The following RNF115 variants were observed in gnomAD, a reference collection of about 807,000 sequenced individuals.
The protein encoded by RNF115 is ring finger protein 115, also known as E3 ubiquitin-protein ligase RNF115.
Under a neutral mutation model 39.2 loss-of-function variants are expected in RNF115, and 31 were observed. The ratio of observed to expected loss-of-function variants is 0.79; its 90% CI spans 0.59 to 1.07. The LOEUF (loss-of-function observed/expected upper bound fraction) is 1.07. Ranked by LOEUF, RNF115 falls within the 50% of genes least tolerant of loss-of-function variation. The pLI is 0.00. For synonymous variants in RNF115, 124 were observed against 131.0 expected (o/e 0.95, Z 0.37); for missense variants, 384 against 381.7 (o/e 1.01, Z -0.05).
chr1:145,770,303 T>C (rs1571732710), intron 4 of RNF115, among the ~76,000 whole-genome samples: 1 of 152,278 alleles, frequency 6.6e-6, no homozygotes, highest in East Asian at 1.9e-4. Context: ...AATGGATAGA[T>C]ATGTAATAAC....
At chr1:145,793,381 C>T (rs1648770443) in intron 1 of RNF115, among the ~76,000 whole-genome samples, 1 of 152,136 alleles carries the variant, frequency 6.6e-6, no homozygotes, top group South Asian at 2.1e-4. Context: ...ACAAATGAGA[C>T]TGATTTTGGA....
chr1:145,762,810 A>C (rs1289761381), intron 4 of RNF115, among the ~76,000 whole-genome samples: 1 of 152,210 alleles, frequency 6.6e-6, no homozygotes, highest in East Asian at 1.9e-4. Context: ...AAATCTTAAA[A>C]CATATTCTTT....
intron 1 of RNF115, among the ~76,000 whole-genome samples, chr1:145,804,492 C>T (rs1200901596): frequency 3.4e-5 from 3 of 89,520 alleles, no homozygotes; most frequent in Non-Finnish European, 6.3e-5. Context: ...TAAATGCATG[C>T]ATGCATGCAC....
At chr1:145,764,719 C>T (rs1009519573) in intron 4 of RNF115, among the ~76,000 whole-genome samples, 5 of 151,502 alleles carry the variant, frequency 3.3e-5, no homozygotes, top group Non-Finnish European at 7.4e-5. Flanking sequence ...GGGGGGTCAG[C>T]CCCCGCCCGG....
chr1:145,788,174 C>T (rs1311097703), intron 2 of RNF115, among the ~76,000 whole-genome samples: 2 of 152,052 alleles, frequency 1.3e-5, no homozygotes, highest in South Asian at 2.1e-4. Context: ...CTCCACCTCC[C>T]GGTTTCAAGT....
chr1:145,806,505 G>C (rs1394736064), intron 1 of RNF115, among the ~76,000 whole-genome samples: 4 of 152,068 alleles, frequency 2.6e-5, no homozygotes, highest in Admixed American at 2.6e-4. Flanking sequence ...GTTTGGATAT[G>C]TGTCCCCTCT....
At position 145,751,479 on chromosome 1, in the gene RNF115, A is replaced by T. The variant is rs1658085774; in HGVS notation, c.532T>A (p.Tyr178Asn). ...SGMLHSNPGD[Y>N]AWGQTGLDAI... ...TCAAGCCCTGTCTGACCCCAGGCAT[A>T]GTCCCCAGGGTTGGAGTGCAGCATC... Residue 178 changes from tyrosine (Y) to asparagine (N), a missense_variant, in exon 6 of 9, where the codon TAT (tyrosine) becomes AAT (asparagine). By Grantham distance (143) the Tyr-to-Asn change is moderately radical (BLOSUM62 -2). Transcript: ENST00000582693. 6.3e-7 allele frequency: 1 copy of T among 1,597,536 alleles called. No individual in the cohort carries two copies. Among genetic ancestry groups the T allele is most frequent in the African/African-American group, 1.3e-5 (1 of 74,678 alleles).
intron 2 of RNF115, among the ~76,000 whole-genome samples, chr1:145,786,207 A>G (rs971228094): frequency 6.6e-6 from 1 of 152,220 alleles, no homozygotes; most frequent in Non-Finnish European, 1.5e-5. Flanking sequence ...GAAATGTTAC[A>G]AAGCTTAAGA....
At position 145,750,467 on chromosome 1, in the gene RNF115, G is replaced by A; in HGVS notation, c.607C>T (p.Pro203Ser). Residue 203 changes from proline to serine, a missense_variant, in exon 7 of 9, where the codon CCA becomes TCA. By Grantham distance (74) the Pro-to-Ser change is moderately conservative. Transcript: ENST00000582693. The part of the protein sequence containing the change: ...LGQLENTGPP[P>S]ADKEKITSLP... ...GATGTGATCTTTTCCTTGTCAGCTGGGGGAGGGCCTGTGTTTTCCAGTTGT... is the reference window on the plus strand; with the variant it reads ...GATGTGATCTTTTCCTTGTCAGCTGAGGGAGGGCCTGTGTTTTCCAGTTGT... The A allele has an allele frequency of 6.2e-7, 1 of 1,614,024 alleles. No individual in the cohort carries two copies. The highest frequency in any genetic ancestry group is 8.5e-7 in the Non-Finnish European group (1 of 1,179,956).
At chr1:145,757,886 G>A (rs1658359661) in intron 4 of RNF115, among the ~76,000 whole-genome samples, 1 of 152,154 alleles carries the variant, frequency 6.6e-6, no homozygotes, top group Non-Finnish European at 1.5e-5. Flanking sequence ...CTATACCCAA[G>A]GAGCCACACC....
At chr1:145,782,486 T>C (rs1648195081) in intron 3 of RNF115, among the ~76,000 whole-genome samples, 1 of 152,178 alleles carries the variant, frequency 6.6e-6, no homozygotes, top group African/African-American at 2.4e-5. Context: ...TTAGCTAATT[T>C]ATTAAAAATC....
Position 145,745,482 on chromosome 1 carries a change from G to A in RNF115, c.*1384C>T. On this transcript the variant is annotated 3_prime_UTR_variant, in exon 9 of 9. Coordinates refer to ENST00000582693, the MANE Select transcript of RNF115 (RefSeq NM_014455.4). ...GGATTTTTTTTTTTTTTTTGAGATG[G>A]AGTTTCGCTCTTGTTGCCCAGACTG... 6.6e-6 allele frequency: 1 copy of A among 151,112 alleles called. No individual in the cohort carries two copies. Among genetic ancestry groups the A allele is most frequent in the Non-Finnish European group, 1.5e-5 (1 of 68,560 alleles). The allele number at this position is 151,112 out of a possible 1,614,324, so 9.4% of individuals were successfully genotyped here.
At chr1:145,786,744 G>A (rs1401382614) in intron 2 of RNF115, among the ~76,000 whole-genome samples, 1 of 152,222 alleles carries the variant, frequency 6.6e-6, no homozygotes, top group Non-Finnish European at 1.5e-5. Context: ...AGCACATGCA[G>A]AGCATAAGTG....
intron 4 of RNF115, among the ~76,000 whole-genome samples, chr1:145,754,510 C>T (rs1004951525): frequency 1.3e-5 from 2 of 152,226 alleles, no homozygotes; most frequent in African/African-American, 2.4e-5. Flanking sequence ...CACACCACCA[C>T]GCCTGGCTAA....
intron 4 of RNF115, among the ~76,000 whole-genome samples, chr1:145,760,373 C>T (rs1658452694): frequency 6.6e-6 from 1 of 152,172 alleles, no homozygotes. Flanking sequence ...GAAACCTCCC[C>T]TAGATGGGCT....
intron 1 of RNF115, among the ~76,000 whole-genome samples, chr1:145,812,661 CA>C (rs113927082): frequency 7.5e-5 from 11 of 146,286 alleles, no homozygotes; most frequent in African/African-American, 2.6e-4. Flanking sequence ...CTTCAGGTCT[CA>C]AAAAAAAACC....
intron 1 of RNF115, among the ~76,000 whole-genome samples, chr1:145,794,311 T>A (rs1193008000): frequency 6.6e-6 from 1 of 152,124 alleles, no homozygotes; most frequent in Non-Finnish European, 1.5e-5. Context: ...TTTAACATGA[T>A]TTACAAGGCT....
At chr1:145,756,043 G>A (rs1553713119) in intron 4 of RNF115, among the ~76,000 whole-genome samples, 2 of 152,146 alleles carry the variant, frequency 1.3e-5, no homozygotes, top group African/African-American at 4.8e-5. Context: ...AGAATTCCCA[G>A]CATCTCCAGA....
At chr1:145,752,583 C>CCCTTTTTTTTTT (rs1571707739) in intron 5 of RNF115, among the ~76,000 whole-genome samples, 1 of 60,444 alleles carries the variant, frequency 1.7e-5, no homozygotes, top group East Asian at 6.8e-4. Flanking sequence ...ACCTATGCAG[C>CCCTTTTTTTTTT]TCTTTTTTTT....
Sources: gnomAD v4.1 joint callset for allele counts (sites outside exome capture counted in the v4.1 genomes callset) on GRCh38, gnomAD v4.1.1 for gene constraint, MANE v1.5 for transcripts, NCBI Gene and HGNC (gene_info 2026-07-23, HGNC 2026-07-21) for gene names.